LOXHD1: variants seen among roughly 807,000 people sequenced by gnomAD.
LOXHD1 encodes lipoxygenase homology domain-containing protein 1.
In LOXHD1, 205 loss-of-function variants were observed where a neutral mutation model predicts 248.2. That is an observed-to-expected ratio of 0.83 (90% confidence interval 0.74 to 0.93). The LOEUF is 0.93. Among genes scored for constraint, LOXHD1 ranks in the 40% least tolerant of loss-of-function variants. The probability of loss-of-function intolerance (pLI) is 0.00; values close to 1 mark genes in which losing one functional copy is unlikely to be tolerated. For missense variants in LOXHD1, 2,930 were observed against 2,971.6 expected (o/e 0.99, Z 0.33); for synonymous variants, 1,113 against 1,162.8 (o/e 0.96, Z 0.87).
rs1351224778 is a variant in LOXHD1 at position 46,507,630 on chromosome 18, GTCT to G, written c.5597_5599del (p.Lys1866del). ...AACGGCACACATTTCACACACCAGG[GTCT>G]TCTTGCCCTTCCGCTGGGACAGCCA... On this transcript the variant is annotated inframe_deletion, in exon 36 of 41. Coordinates refer to ENST00000642948, the MANE Select transcript of LOXHD1 (RefSeq NM_001384474.1). 1.9e-6 allele frequency: 3 copies of G among 1,551,582 alleles called. No individual in the cohort carries two copies. The African/African-American group carries it at 4.1e-5, about 21-fold the overall frequency.
intron 33 of LOXHD1, chr18:46,520,560 A>G: frequency 3.2e-6 from 1 of 312,500 alleles, no homozygotes; most frequent in South Asian, 2.8e-5. Flanking sequence ...AGATGGAGCC[A>G]GGACCGAAGC....
rs1011795904 is a variant in LOXHD1 at position 46,541,680 on chromosome 18, C to A, written c.3913+96G>T. 26 of 1,403,562 alleles carry A rather than the reference C, an allele frequency of 1.9e-5. No individual in the cohort carries two copies. The African/African-American group carries it at 3.1e-4, about 17-fold the overall frequency. 86.9% of individuals were successfully genotyped at this position (1,403,562 alleles called of 1,614,324 possible). On this transcript the variant is annotated intron_variant, in intron 25 of 40. Coordinates refer to ENST00000642948, the MANE Select transcript of LOXHD1 (RefSeq NM_001384474.1). ...ACCAAAATCTTCAAGGTGGGCCTGG[C>A]CCACAGTCAATCCTGAAGGAAGAAC...
chr18:46,568,479 A>AT lies in LOXHD1; in HGVS notation c.2244+962_2244+963insA, dbSNP rs533254770. On this transcript the variant is annotated intron_variant, in intron 16 of 40. Coordinates refer to ENST00000642948, the MANE Select transcript of LOXHD1 (RefSeq NM_001384474.1). ...TAACAGCTCAAGGCCACATCCCTAGAGTGACCCTAATCCCCCTTACTGTGC... is the reference window on the plus strand; with the variant it reads ...TAACAGCTCAAGGCCACATCCCTAGATGTGACCCTAATCCCCCTTACTGTGC... Among the ~76,000 whole-genome samples the AT allele has an allele frequency of 3.8e-3, 573 of 152,288 alleles. 3 individuals carry two copies. The highest frequency in any genetic ancestry group is 0.024 in the Middle Eastern group (7 of 294).
intron 29 of LOXHD1, among the ~76,000 whole-genome samples, chr18:46,528,324 G>A (rs541172209): frequency 2.6e-5 from 4 of 152,246 alleles, no homozygotes; most frequent in South Asian, 2.1e-4. Context: ...GAGCAAGGGC[G>A]GGGAGGGGCA....
intron 36 of LOXHD1, among the ~76,000 whole-genome samples, chr18:46,506,747 C>T (rs1283432171): frequency 1.3e-5 from 2 of 152,210 alleles, no homozygotes; most frequent in Non-Finnish European, 2.9e-5. Context: ...ACTATGAGAG[C>T]TTCATTTATC....
At position 46,509,703 on chromosome 18, in the gene LOXHD1, C is replaced by T; in HGVS notation, c.5512G>A (p.Glu1838Lys). 1 of 1,551,066 alleles carries T rather than the reference C, an allele frequency of 6.4e-7. No individual in the cohort carries two copies. The highest frequency in any genetic ancestry group is 8.7e-7 in the Non-Finnish European group (1 of 1,146,430). Reference protein sequence around the residue: ...GLGSRPEWFLERILLKNMNTG... With the variant: ...GLGSRPEWFLKRILLKNMNTG... ...TGAGGGTCTAGACATTTTACCCTCT[C>T]CAGGAACCACTCCGGCCGACTGCCC... The change falls in exon 35 of 41, where the codon GAG becomes AAG. Residue 1838 changes from glutamate (E) to lysine (K), a missense_variant. Transcript: ENST00000642948.
In LOXHD1 at chr18:46,613,694, G is replaced by A. The variant is rs1000619751; in HGVS notation, c.611-2770C>T. Among the ~76,000 whole-genome samples the A allele has an allele frequency of 2.6e-5, 4 of 152,110 alleles. No homozygotes were observed. In the South Asian group the frequency reaches 8.3e-4, roughly 32 times the overall value. On this transcript the variant is annotated intron_variant, in intron 5 of 40. Transcript: ENST00000642948. Reference sequence around the variant, plus strand: ...AAGCATGATATTTGTGCATATTTTGGTAGATAGCCTTATATTTTTCAAAAG... The same window carrying A: ...AAGCATGATATTTGTGCATATTTTGATAGATAGCCTTATATTTTTCAAAAG...
intron 6 of LOXHD1, among the ~76,000 whole-genome samples, chr18:46,607,341 G>T (rs542647695): frequency 2.0e-5 from 3 of 148,800 alleles, no homozygotes; most frequent in South Asian, 4.2e-4. Flanking sequence ...ATATATACAT[G>T]TACATATACA....
intron 25 of LOXHD1, among the ~76,000 whole-genome samples, chr18:46,541,513 C>A (rs997423881): frequency 2.0e-5 from 3 of 152,118 alleles, no homozygotes; most frequent in African/African-American, 4.8e-5. Flanking sequence ...GAATCTGAAC[C>A]CTCGAGAGGT....
chr18:46,569,371 T>C (rs2037706596), intron 16 of LOXHD1, 71 bp downstream of exon 16: 1 of 1,250,642 alleles, frequency 8.0e-7, no homozygotes, highest in Admixed American at 2.0e-5. Context: ...CATATGTGTG[T>C]GTGGACACGT....
rs576563417 is a variant in LOXHD1, at chr18:46,540,386, C to T, written c.3913+1390G>A. Among the ~76,000 whole-genome samples the T allele has an allele frequency of 2.2e-4, 34 of 152,298 alleles. No individual in the cohort carries two copies. The East Asian group carries it at 6.4e-3, about 29-fold the overall frequency. ...CCTATAGGTTGAAGGGAAACAGCCT[C>T]GACCCTGCTGGGTGCTCAACCAATA... On this transcript the variant is annotated intron_variant, in intron 25 of 40. Coordinates refer to ENST00000642948, the MANE Select transcript of LOXHD1 (RefSeq NM_001384474.1).
In LOXHD1 at chr18:46,505,890, G is replaced by T; in HGVS notation, c.5826C>A (p.Asp1942Glu). The part of the protein sequence containing the change: ...RNNTDTFNFP[D>E]MLSLGHLCKL... ...TGCAGAGGTGGCCCAAGCTCAGCAT[G>T]TCAGGGAAGTTGAATGTGTCCGTGT... Residue 1942 changes from aspartate (D) to glutamate (E), a missense_variant, in exon 37 of 41, where the codon GAC becomes GAA. Physicochemically the swap from Asp to Glu is conservative, Grantham distance 45. Transcript: ENST00000642948. The T allele has an allele frequency of 6.4e-7, 1 of 1,551,824 alleles. No individual in the cohort carries two copies. Among genetic ancestry groups the T allele is most frequent in the Non-Finnish European group, 8.7e-7 (1 of 1,147,026 alleles).
chr18:46,578,907 G>A (rs894138407), intron 13 of LOXHD1, among the ~76,000 whole-genome samples: 1 of 152,220 alleles, frequency 6.6e-6, no homozygotes, highest in East Asian at 1.9e-4. Flanking sequence ...GAATGAAGCA[G>A]GTAGCCCAAG....
intron 31 of LOXHD1, among the ~76,000 whole-genome samples, 184 bp from the exon 32 acceptor site, chr18:46,522,493 G>A (rs1310685065): frequency 1.3e-5 from 2 of 152,328 alleles, no homozygotes; most frequent in East Asian, 1.9e-4. Context: ...TCCAAGAACT[G>A]AGGGAGTTGC....
intron 16 of LOXHD1, among the ~76,000 whole-genome samples, chr18:46,567,402 G>A (rs1447964346): frequency 6.6e-6 from 1 of 152,276 alleles, no homozygotes; most frequent in Non-Finnish European, 1.5e-5. Flanking sequence ...TCAGAGCTAA[G>A]TGCATGCAGC....
Position 46,604,221 on chromosome 18 carries a change from A to C in LOXHD1, c.768T>G (p.Ile256Met). 6.4e-7 allele frequency: 1 copy of C among 1,551,694 alleles called. No homozygotes were observed. Among genetic ancestry groups the C allele is most frequent in the Non-Finnish European group, 8.7e-7 (1 of 1,146,982 alleles). The change falls in exon 7 of 41, where the codon ATT becomes ATG. Residue 256 changes from isoleucine to methionine, a missense_variant. Coordinates refer to ENST00000642948, the MANE Select transcript of LOXHD1 (RefSeq NM_001384474.1). ...ATTTTCTTTTGTTCCCAATATCTTC[A>C]ATGACTATCTGGGAAGGAGAAGAGG... ...SAGWFLSQIV[I>M]EDIGNKRKYD...
At chr18:46,540,845 C>G (rs1439092805) in intron 25 of LOXHD1, among the ~76,000 whole-genome samples, 1 of 151,944 alleles carries the variant, frequency 6.6e-6, no homozygotes, top group East Asian at 1.9e-4. Context: ...TTTGGGCATG[C>G]CCAGCCAGAG....
chr18:46,607,363 A>ATATATGTACATATATACATATATACG (rs2038432341), intron 6 of LOXHD1, among the ~76,000 whole-genome samples: 1 of 149,258 alleles, frequency 6.7e-6, no homozygotes, highest in African/African-American at 2.5e-5. Flanking sequence ...ACATATATAC[A>ATATATGTACATATATACATATATACG]TATATGTACA....
chr18:46,607,306 CAT>C (rs112105590), intron 6 of LOXHD1, among the ~76,000 whole-genome samples: 71 of 149,706 alleles, frequency 4.7e-4, no homozygotes, highest in African/African-American at 9.5e-4. Flanking sequence ...TATATGGTGT[CAT>C]ATATATATAC....
Sources: gnomAD v4.1 joint callset for allele counts (sites outside exome capture counted in the v4.1 genomes callset) on GRCh38, gnomAD v4.1.1 for gene constraint, MANE v1.5 for transcripts, NCBI Gene and HGNC (gene_info 2026-07-23, HGNC 2026-07-21) for gene names.